Variants in SMG5 observed in about 807,000 individuals in gnomAD.
SMG5 encodes SMG5 nonsense mediated mRNA decay factor.
In SMG5, 53 loss-of-function variants were observed where a neutral mutation model predicts 122.9. The ratio of observed to expected loss-of-function variants is 0.43; its 90% confidence interval spans 0.35 to 0.54. The LOEUF (loss-of-function observed/expected upper bound fraction) is 0.54. SMG5 is among the 20% of genes least tolerant of loss of function. The pLI is 0.01. For missense variants in SMG5, 1,153 were observed against 1,285.6 expected (o/e 0.90, Z 1.58); for synonymous variants, 477 against 490.2 (o/e 0.97, Z 0.35).
At chr1:156,286,366 C>T, upstream of SMG5, 1 of 1,614,198 alleles carries the variant, frequency 6.2e-7, no homozygotes, top group African/African-American at 1.3e-5. Context: ...CCCAGTCGGT[C>T]CAGCTCTTTA....
intron 16 of SMG5, 68 bp from the exon 17 acceptor site, chr1:156,253,576 CAAGAG>C: frequency 2.0e-6 from 3 of 1,475,362 alleles, no homozygotes; most frequent in Non-Finnish European, 2.8e-6. Context: ...TCAGGAAGAC[CAAGAG>C]GGTTTCCTGG....
intron 9 of SMG5, 28 bp from the exon 10 acceptor site, chr1:156,267,706 G>C: frequency 6.3e-7 from 1 of 1,576,334 alleles, no homozygotes; most frequent in Non-Finnish European, 8.6e-7. Context: ...TAACAGGGGA[G>C]GTCAGTGGTG....
intron 1 of SMG5, 53 bp downstream of exon 1, chr1:156,282,554 C>A: frequency 6.5e-7 from 1 of 1,544,032 alleles, no homozygotes; most frequent in South Asian, 1.2e-5. Context: ...CCCCGCCCCT[C>A]GCCGTCTCCC....
intron 13 of SMG5, among the ~76,000 whole-genome samples, chr1:156,261,848 C>T (rs1398974255): frequency 6.9e-6 from 1 of 145,542 alleles, no homozygotes; most frequent in East Asian, 2.0e-4. Flanking sequence ...TGAGACTGTG[C>T]CATTGCACTC....
chr1:156,287,046 C>A (rs549119690), upstream of SMG5, among the ~76,000 whole-genome samples: 4 of 152,100 alleles, frequency 2.6e-5, no homozygotes, highest in East Asian at 7.7e-4. Context: ...TCGCTTGAGT[C>A]CAGGAGGTGG....
At chr1:156,263,809 G>A (rs1393453976) in intron 12 of SMG5, among the ~76,000 whole-genome samples, 1 of 152,090 alleles carries the variant, frequency 6.6e-6, no homozygotes, top group Non-Finnish European at 1.5e-5. Context: ...TTAAAATATG[G>A]TGCCTTTTAA....
chr1:156,270,867 C>T (rs767095189), intron 7 of SMG5, among the ~76,000 whole-genome samples: 25 of 151,980 alleles, frequency 1.6e-4, no homozygotes, highest in Admixed American at 4.6e-4. Context: ...ATTAGCCAGG[C>T]GTTGTGGTGC....
chr1:156,263,965 T>A (rs951678792), intron 12 of SMG5, among the ~76,000 whole-genome samples: 1 of 152,068 alleles, frequency 6.6e-6, no homozygotes, highest in African/African-American at 2.4e-5. Context: ...GCAAGGGGTA[T>A]GGTTTTAAAA....
In SMG5 at chr1:156,250,458, G is replaced by T; in HGVS notation, c.*129C>A. ...GGGCCCTCCCTGCAGCCTCTGAGCA[G>T]CTAGGCCTCCCTCCTGTGTGCGTGC... On this transcript the variant is annotated 3_prime_UTR_variant, in exon 22 of 22. Coordinates refer to ENST00000361813, the MANE Select transcript of SMG5 (RefSeq NM_015327.3). 1 of 827,474 alleles carries T rather than the reference G, an allele frequency of 1.2e-6. No individual in the cohort carries two copies. The highest frequency in any genetic ancestry group is 2.0e-6 in the Non-Finnish European group (1 of 495,294). 51.3% of individuals were successfully genotyped at this position (827,474 alleles called of 1,614,324 possible).
Position 156,266,387 on chromosome 1 carries a change from A to G in SMG5, c.1256-7T>C, listed in dbSNP as rs367926035. ...TCCTTGGACTCTGGTTCATCTGCGG[A>G]AAGAGGAAGGTCAGGTGGAGCCCGA... On this transcript the variant is annotated splice_region_variant and splice_polypyrimidine_tract_variant and intron_variant, in intron 11 of 21. Transcript: ENST00000361813. 4.4e-6 allele frequency: 7 copies of G among 1,608,972 alleles called. No homozygotes were observed. The highest frequency in any genetic ancestry group is 6.0e-6 in the Non-Finnish European group (7 of 1,176,414).
chr1:156,282,428 TTCC>T (rs1433152364), intron 1 of SMG5, among the ~76,000 whole-genome samples, 176 bp downstream of exon 1: 4 of 152,048 alleles, frequency 2.6e-5, no homozygotes, highest in African/African-American at 4.8e-5. Flanking sequence ...ACCTACCCAA[TTCC>T]TCCTTTCAGT....
Position 156,268,024 on chromosome 1 carries a change from C to G in SMG5, c.908+91G>C, listed in dbSNP as rs188047318. ...ACGGATGTTCAAACTGAGGGCAGAA[C>G]TCGACAGTCCACCCTTGTCAAGGTT... On this transcript the variant is annotated intron_variant, in intron 9 of 21. Transcript: ENST00000361813. The G allele has an allele frequency of 4.7e-5, 63 of 1,331,602 alleles. No homozygotes were observed. In the East Asian group the frequency reaches 1.4e-3, roughly 29 times the overall value. 82.5% of individuals were successfully genotyped at this position (1,331,602 alleles called of 1,614,324 possible).
upstream of SMG5, chr1:156,286,593 G>A (rs376289766): frequency 1.3e-4 from 124 of 979,462 alleles, 1 homozygote; most frequent in South Asian, 9.6e-4. Context: ...CCAAATGTGT[G>A]CCCTGGGGAG....
intron 7 of SMG5, among the ~76,000 whole-genome samples, chr1:156,269,703 G>A (rs532300264): frequency 6.6e-6 from 1 of 152,176 alleles, no homozygotes; most frequent in Non-Finnish European, 1.5e-5. Context: ...GTGAGACCCC[G>A]TCTCTACTAA....
rs372361274 is a variant in SMG5, at chr1:156,282,594, T to C, written c.74+13A>G. 1.5e-3 allele frequency: 2,385 copies of C among 1,595,118 alleles called. 44 individuals carry two copies. In the South Asian group the frequency reaches 0.024, roughly 16 times the overall value. On this transcript the variant is annotated intron_variant, in intron 1 of 21. Coordinates refer to ENST00000361813, the MANE Select transcript of SMG5 (RefSeq NM_015327.3). Reference sequence around the variant, plus strand: ...TCCCTCGGTGGCTGCTCTCACGCCCTGGCCCCTCTCACCGGTAAAGCCGCT... The same window carrying C: ...TCCCTCGGTGGCTGCTCTCACGCCCCGGCCCCTCTCACCGGTAAAGCCGCT...
chr1:156,267,383 G>A, intron 10 of SMG5, 87 bp downstream of exon 10: 1 of 1,360,974 alleles, frequency 7.3e-7, no homozygotes, highest in Non-Finnish European at 1.0e-6. Context: ...CTTGTGGAAG[G>A]AAGTTTATGA....
At chr1:156,289,983 G>T in the SMG5 span, 1 of 152,186 alleles carries the variant, frequency 6.6e-6, no homozygotes, top group Non-Finnish European at 1.5e-5. Flanking sequence ...TCATATCATG[G>T]CTTTGCTATT....
At position 156,250,582 on chromosome 1, in the gene SMG5, C is replaced by A; in HGVS notation, c.*5G>T. Reference sequence around the variant, plus strand: ...CAGCCCCACTGCAGGGCCTGGGGGTCAGTATCAACCAATTTCCTTCCACTG... The same window carrying A: ...CAGCCCCACTGCAGGGCCTGGGGGTAAGTATCAACCAATTTCCTTCCACTG... On this transcript the variant is annotated 3_prime_UTR_variant, in exon 22 of 22. Coordinates refer to ENST00000361813, the MANE Select transcript of SMG5 (RefSeq NM_015327.3). 6.2e-7 allele frequency: 1 copy of A among 1,613,682 alleles called. No homozygotes were observed. The highest frequency in any genetic ancestry group is 1.1e-5 in the South Asian group (1 of 91,046).
Position 156,266,272 on chromosome 1 carries a change from C to T in SMG5, c.1364G>A (p.Arg455His), listed in dbSNP as rs1016477977. Reference sequence around the variant, plus strand: ...GCGGCGACGGCGGAGACAGGAGAGGCGAGAGAACTTACGGCTCTTTCTGCC... The same window carrying T: ...GCGGCGACGGCGGAGACAGGAGAGGTGAGAGAACTTACGGCTCTTTCTGCC... ...GEGRKSRKFS[R>H]LSCLRRRRHP... The change falls in exon 12 of 22, where the codon CGC (arginine) becomes CAC (histidine). Residue 455 changes from arginine (R) to histidine (H), a missense_variant. By Grantham distance (29) the Arg-to-His change is conservative. Around this residue, in one of 5 missense-constraint regions of SMG5, gnomAD observed 631 missense variants for 650.6 expected, o/e 0.97. Coordinates refer to ENST00000361813, the MANE Select transcript of SMG5 (RefSeq NM_015327.3). 6.2e-6 allele frequency: 10 copies of T among 1,614,056 alleles called. No homozygotes were observed. Among genetic ancestry groups the T allele is most frequent in the Non-Finnish European group, 8.5e-6 (10 of 1,180,040 alleles).
Sources: gnomAD v4.1 joint callset for allele counts (sites outside exome capture counted in the v4.1 genomes callset) on GRCh38, gnomAD v4.1.1 for gene constraint, gnomAD v4.1.1 regional missense constraint, MANE v1.5 for transcripts, NCBI Gene and HGNC (gene_info 2026-07-23, HGNC 2026-07-21) for gene names.